The following EPHB2 variants were observed in gnomAD, a reference collection of about 807,000 sequenced individuals.
The protein encoded by EPHB2 is EPH receptor B2.
A neutral mutation model predicts 96.4 loss-of-function variants in EPHB2; 18 were observed. The ratio of observed to expected loss-of-function variants is 0.19; its 90% CI spans 0.13 to 0.28. The LOEUF is 0.28. Ranked by LOEUF, EPHB2 falls within the 10% of genes least tolerant of loss-of-function variation. The pLI, the probability that EPHB2 is intolerant of heterozygous loss-of-function variation, is 1.00. For missense variants in EPHB2, 989 were observed against 1,355.4 expected (o/e 0.73, Z 4.25); for synonymous variants, 506 against 534.1 (o/e 0.95, Z 0.72).
At chr1:22,734,365 GA>G (rs1643779751) in intron 1 of EPHB2, among the ~76,000 whole-genome samples, 1 of 151,646 alleles carries the variant, frequency 6.6e-6, no homozygotes, top group South Asian at 2.1e-4. Flanking sequence ...TTCATGCAGA[GA>G]AACCAAAGCC....
At chr1:22,801,171 G>A (rs1227708875) in intron 3 of EPHB2, among the ~76,000 whole-genome samples, 1 of 152,196 alleles carries the variant, frequency 6.6e-6, no homozygotes, top group African/African-American at 2.4e-5. Context: ...GCACAGGGTG[G>A]TGGTGAAGAT....
chr1:22,757,187 G>T (rs1570223226), intron 1 of EPHB2, among the ~76,000 whole-genome samples: 1 of 152,162 alleles, frequency 6.6e-6, no homozygotes, highest in African/African-American at 2.4e-5. Context: ...GGGTCCTGAG[G>T]GTGCTCAGGG....
intron 8 of EPHB2, 113 bp downstream of exon 8, chr1:22,895,693 CA>C (rs1639536814): frequency 9.9e-7 from 1 of 1,010,864 alleles, no homozygotes; most frequent in Non-Finnish European, 1.5e-6. Context: ...CTCACAATTG[CA>C]GGGAGAGATG....
intron 5 of EPHB2, among the ~76,000 whole-genome samples, chr1:22,874,852 G>T (rs2148540391): frequency 6.6e-6 from 1 of 152,166 alleles, no homozygotes; most frequent in Non-Finnish European, 1.5e-5. Flanking sequence ...TCCACAGATT[G>T]GTAGTTCCCA....
chr1:22,771,481 T>C (rs1644378972), intron 1 of EPHB2, among the ~76,000 whole-genome samples: 1 of 152,146 alleles, frequency 6.6e-6, no homozygotes, highest in Admixed American at 6.5e-5. Context: ...GCACACAACT[T>C]AGAACCACTC....
intron 9 of EPHB2, among the ~76,000 whole-genome samples, chr1:22,900,839 C>T (rs562175217): frequency 1.3e-5 from 2 of 152,148 alleles, no homozygotes; most frequent in Non-Finnish European, 2.9e-5. Flanking sequence ...AGCCACCCTG[C>T]GTGGTCAGGA....
intron 3 of EPHB2, among the ~76,000 whole-genome samples, chr1:22,824,166 G>C (rs1241833539): frequency 6.6e-6 from 1 of 152,058 alleles, no homozygotes; most frequent in East Asian, 1.9e-4. Flanking sequence ...GGGAGAAAAT[G>C]ATGAATACAT....
rs185389780 is a variant in EPHB2 at position 22,902,570 on chromosome 1, A to G, written c.1766-3417A>G. 5.3e-5 allele frequency among the ~76,000 whole-genome samples: 8 copies of G among 152,332 alleles called. No homozygotes were observed. The East Asian group carries it at 1.5e-3, about 29-fold the overall frequency. Reference sequence around the variant, plus strand: ...CATAATTTTCATCAAATTCTCAAAGACATTCAAGACACGTAGTAATGCTAT... The same window carrying G: ...CATAATTTTCATCAAATTCTCAAAGGCATTCAAGACACGTAGTAATGCTAT... On this transcript the variant is annotated intron_variant, in intron 9 of 15. Transcript: ENST00000374630.
chr1:22,892,940 G>A lies in EPHB2; in HGVS notation c.1485G>A (p.Val495=), dbSNP rs1306321442. 1.9e-6 allele frequency: 3 copies of A among 1,614,250 alleles called. No individual in the cohort carries two copies. The highest frequency in any genetic ancestry group is 1.7e-5 in the Admixed American group (1 of 60,036). The change falls in exon 7 of 16, where the codon GTG becomes GTA. Residue 495 remains valine (V), a synonymous_variant. Transcript: ENST00000374630. The part of the protein sequence containing the change: ...AIKSPTNTVT[V]QGLKAGAIYV... ...AAAGCCCCACCAACACGGTCACCGT[G>A]CAGGGCCTCAAAGCCGGCGCCATCT...
intron 3 of EPHB2, among the ~76,000 whole-genome samples, chr1:22,833,812 G>T (rs1216932850): frequency 6.6e-6 from 1 of 152,158 alleles, no homozygotes; most frequent in Non-Finnish European, 1.5e-5. Context: ...TTTGGATGAG[G>T]AAAAACAGTA....
chr1:22,886,995 G>C (rs981013662), intron 6 of EPHB2, among the ~76,000 whole-genome samples: 6 of 152,112 alleles, frequency 3.9e-5, no homozygotes, highest in Admixed American at 3.9e-4. Context: ...AGATGGAGGT[G>C]CCTTTTCCTG....
intron 3 of EPHB2, among the ~76,000 whole-genome samples, chr1:22,788,765 T>A (rs963215877): frequency 6.6e-6 from 1 of 151,144 alleles, no homozygotes; most frequent in Admixed American, 6.6e-5. Context: ...TTTTTTTTTT[T>A]TTTTTTTGTG....
intron 3 of EPHB2, among the ~76,000 whole-genome samples, chr1:22,851,605 G>C (rs769580573): frequency 6.6e-6 from 1 of 152,194 alleles, no homozygotes; most frequent in Non-Finnish European, 1.5e-5. Flanking sequence ...CCCTGTCTGG[G>C]TCTTGTATTT....
In EPHB2 at chr1:22,815,773, C is replaced by A. The variant is rs186361875; in HGVS notation, c.811+30697C>A. 2.6e-5 allele frequency among the ~76,000 whole-genome samples: 4 copies of A among 152,240 alleles called. 1 individual carries two copies. Among genetic ancestry groups the A allele is most frequent in the Admixed American group, 2.0e-4 (3 of 15,298 alleles). ...ATAGTTTCCAGAGTGGTTTGCAGGC[C>A]CTGGGCGAAGGTCCGGAGGCAGTGT... On this transcript the variant is annotated intron_variant, in intron 3 of 15. Coordinates refer to ENST00000374630, the MANE Select transcript of EPHB2 (RefSeq NM_017449.5).
chr1:22,773,830 G>A (rs772039470), intron 1 of EPHB2, among the ~76,000 whole-genome samples: 1 of 152,178 alleles, frequency 6.6e-6, no homozygotes, highest in African/African-American at 2.4e-5. Flanking sequence ...CCAGCATGGC[G>A]CAGTGGCTAA....
intron 6 of EPHB2, among the ~76,000 whole-genome samples, chr1:22,891,943 T>TGGGC (rs775495957): frequency 2.0e-4 from 30 of 151,816 alleles, no homozygotes; most frequent in Admixed American, 6.6e-5. Context: ...CACAAGCATG[T>TGGGC]ATCTCCATGC....
intron 5 of EPHB2, among the ~76,000 whole-genome samples, chr1:22,873,800 C>T (rs10917321): frequency 0.7 from 106,793 of 152,106 alleles, 42,715 homozygotes; most frequent in Non-Finnish European, 0.91. Context: ...GTAGGGCCCT[C>T]CCTTTTAAGG....
At chr1:22,799,820 T>C (rs1644816896) in intron 3 of EPHB2, among the ~76,000 whole-genome samples, 1 of 152,224 alleles carries the variant, frequency 6.6e-6, no homozygotes, top group Non-Finnish European at 1.5e-5. Context: ...CAGAGCCTCA[T>C]GGCAGCCTTA....
intron 1 of EPHB2, among the ~76,000 whole-genome samples, chr1:22,778,619 T>C (rs1866796): frequency 0.024 from 3,715 of 152,200 alleles, 175 homozygotes; most frequent in African/African-American, 0.085. Context: ...GCCCTCTACC[T>C]CCTCCCAAGG....
Sources: allele counts gnomAD v4.1 joint callset (sites outside exome capture counted in the v4.1 genomes callset), GRCh38; gene constraint gnomAD v4.1.1; transcripts MANE v1.5; gene names NCBI Gene and HGNC (gene_info 2026-07-23, HGNC 2026-07-21).